Variants in GNB5 observed in about 807,000 individuals in gnomAD.
GNB5 encodes the protein guanine nucleotide-binding protein subunit beta-5.
In GNB5, 37 loss-of-function variants were observed where a neutral mutation model predicts 55.3. The ratio of observed to expected loss-of-function variants is 0.67; its 90% CI spans 0.51 to 0.88. GNB5 has a LOEUF of 0.88. Ranked by LOEUF, GNB5 falls within the 40% of genes least tolerant of loss-of-function variation. The pLI, the probability that GNB5 is intolerant of heterozygous loss-of-function variation, is 0.00. For synonymous variants in GNB5, 219 were observed against 198.5 expected (o/e 1.10, Z -0.87); for missense variants, 476 against 515.3 (o/e 0.92, Z 0.74).
chr15:52,182,441 G>A (rs1027767863), intron 2 of GNB5, among the ~76,000 whole-genome samples: 2 of 152,114 alleles, frequency 1.3e-5, no homozygotes, highest in African/African-American at 4.8e-5. Flanking sequence ...CCTCTTCTGG[G>A]GGTTCTTTGT....
chr15:52,157,569 A>G lies in GNB5; in HGVS notation c.239-3493T>C, dbSNP rs80285054. 2.8e-4 allele frequency among the ~76,000 whole-genome samples: 42 copies of G among 152,272 alleles called. 1 individual carries two copies. The East Asian group carries it at 8.1e-3, about 29-fold the overall frequency. ...ATATAGGCCTTTTATATAAGGCTCT[A>G]TCGGCCCAGAGTTGTGAGCATATTG... is the stretch of plus-strand genomic sequence containing the variant. On this transcript the variant is annotated intron_variant, in intron 3 of 12. Transcript: ENST00000261837.
rs57732678 is a variant in GNB5 at position 52,135,852 on chromosome 15, AACACACACACACACAC to A, written c.628-112_628-97del. On this transcript the variant is annotated intron_variant, in intron 7 of 12. Coordinates refer to ENST00000261837, the MANE Select transcript of GNB5 (RefSeq NM_016194.4). Reference sequence around the variant, plus strand: ...CTTAACGTTCCGCAGGGAAAAGCAGAACACACACACACACACACACACACACACACACACACACACA... The same window carrying A: ...CTTAACGTTCCGCAGGGAAAAGCAGAACACACACACACACACACACACACA... 93 of 552,492 alleles carry A rather than the reference AACACACACACACACAC, an allele frequency of 1.7e-4. 1 individual carries two copies. Among genetic ancestry groups the A allele is most frequent in the South Asian group, 1.4e-3 (74 of 51,240 alleles). 34.2% of individuals were successfully genotyped at this position (552,492 alleles called of 1,614,324 possible).
At chr15:52,165,824 A>T (rs937847846) in intron 3 of GNB5, among the ~76,000 whole-genome samples, 3 of 152,218 alleles carry the variant, frequency 2.0e-5, no homozygotes, top group African/African-American at 7.2e-5. Context: ...TGATGACAGG[A>T]TCAAATTCAC....
chr15:52,151,019 G>C (rs1303879069), intron 4 of GNB5, among the ~76,000 whole-genome samples: 1 of 152,236 alleles, frequency 6.6e-6, no homozygotes, highest in Admixed American at 6.5e-5. Context: ...CTTTGCATGA[G>C]CTGACGGAAC....
At position 52,128,955 on chromosome 15, in the gene GNB5, T is replaced by C. The variant is rs895385090; in HGVS notation, c.864-711A>G. Among the ~76,000 whole-genome samples, 272 of 63,742 alleles carry C rather than the reference T, an allele frequency of 4.3e-3. 2 individuals are homozygous for C. The African/African-American group carries it at 0.045, about 11-fold the overall frequency. The allele number at this position is 63,742 out of a possible 152,430, so 41.8% of individuals were successfully genotyped here. A position where few individuals can be genotyped will look rare whatever the true frequency, so the allele number is the denominator to read the frequency against. On this transcript the variant is annotated intron_variant, in intron 9 of 12. Coordinates refer to ENST00000261837, the MANE Select transcript of GNB5 (RefSeq NM_016194.4). ...TCCCCACACCTTCCATTGTTTCTCCTTTTTTTTTTTTTTTTTTTGAGACTG... is the reference window on the plus strand; with the variant it reads ...TCCCCACACCTTCCATTGTTTCTCCCTTTTTTTTTTTTTTTTTTGAGACTG...
intron 9 of GNB5, 178 bp from the exon 10 acceptor site, chr15:52,128,422 G>T (rs952296188): frequency 1.4e-4 from 87 of 622,298 alleles, no homozygotes; most frequent in Non-Finnish European, 2.9e-5. Context: ...TTTCTTCCCT[G>T]TTAGTGGGGG....
At chr15:52,173,930 T>C (rs916824483) in intron 3 of GNB5, among the ~76,000 whole-genome samples, 15 of 152,276 alleles carry the variant, frequency 9.9e-5, no homozygotes, top group African/African-American at 3.6e-4. Context: ...GGTATCCACA[T>C]CCTAATCCCC....
intron 9 of GNB5, among the ~76,000 whole-genome samples, chr15:52,129,519 AT>A (rs752865245): frequency 1.3e-5 from 2 of 152,130 alleles, no homozygotes; most frequent in Non-Finnish European, 2.9e-5. Flanking sequence ...GGCACATTAT[AT>A]TTTTGAAAGC....
In GNB5 at chr15:52,150,020, T is replaced by G. The variant is rs1252807011; in HGVS notation, c.376-95A>C. The G allele has an allele frequency of 6.5e-6, 6 of 927,194 alleles. No individual in the cohort carries two copies. In the African/African-American group the frequency reaches 9.7e-5, roughly 15 times the overall value. 57.4% of individuals were successfully genotyped at this position (927,194 alleles called of 1,614,324 possible). A position where few individuals can be genotyped will look rare whatever the true frequency, so the allele number is the denominator to read the frequency against. The stretch of plus-strand genomic sequence containing the variant: ...AAAAGCTGTGTCCAGCAGGGCAGTG[T>G]GAAGTAGAAAGCCAGAATGAGGATC... On this transcript the variant is annotated intron_variant, in intron 4 of 12. Transcript: ENST00000261837.
intron 3 of GNB5, among the ~76,000 whole-genome samples, chr15:52,158,508 C>G (rs771813772): frequency 6.6e-6 from 1 of 152,054 alleles, no homozygotes; most frequent in South Asian, 2.1e-4. Context: ...TTTTCTGTAC[C>G]TCTCCCTATC....
At chr15:52,145,913 A>G (rs1263893731) in intron 6 of GNB5, among the ~76,000 whole-genome samples, 2 of 143,472 alleles carry the variant, frequency 1.4e-5, no homozygotes, top group Non-Finnish European at 3.1e-5. Context: ...AAGAACTACT[A>G]TTTTATTTGG....
intron 1 of GNB5, among the ~76,000 whole-genome samples, chr15:52,185,894 T>G (rs1253999720): frequency 6.6e-6 from 1 of 151,986 alleles, no homozygotes; most frequent in Non-Finnish European, 1.5e-5. Context: ...TTTTCCTGCC[T>G]CAGCCTCCCA....
chr15:52,155,937 C>T (rs1323071905), intron 3 of GNB5, among the ~76,000 whole-genome samples: 1 of 152,118 alleles, frequency 6.6e-6, no homozygotes, highest in African/African-American at 2.4e-5. Context: ...AAACATGTTA[C>T]CCCTCAAACC....
intron 2 of GNB5, among the ~76,000 whole-genome samples, chr15:52,182,081 G>C (rs1392087928): frequency 1.3e-5 from 2 of 152,188 alleles, no homozygotes; most frequent in African/African-American, 4.8e-5. Context: ...GTGGCCTGAG[G>C]GATTTACTTG....
intron 7 of GNB5, chr15:52,138,797 T>C (rs2033786849): frequency 6.6e-6 from 1 of 152,258 alleles, no homozygotes; most frequent in African/African-American, 2.4e-5. Flanking sequence ...GAAATTTTCA[T>C]ACCATACTGT....
At chr15:52,137,032 C>T (rs1284376656) in intron 7 of GNB5, 1 of 454,174 alleles carries the variant, frequency 2.2e-6, no homozygotes, top group Non-Finnish European at 4.4e-6. Flanking sequence ...TTGCTGGGCT[C>T]ACCAATCCAA....
At chr15:52,184,722 G>T in intron 1 of GNB5, 28 bp from the exon 2 acceptor site, 1 of 1,589,174 alleles carries the variant, frequency 6.3e-7, no homozygotes, top group South Asian at 1.1e-5. Flanking sequence ...GAAGGGAGGG[G>T]GTGTGAGAAA....
intron 11 of GNB5, 110 bp downstream of exon 11, chr15:52,125,838 G>C (rs538966687): frequency 6.6e-5 from 42 of 640,418 alleles, no homozygotes; most frequent in Non-Finnish European, 7.4e-5. Flanking sequence ...TTCGCATACT[G>C]GTCCACAGGA....
chr15:52,162,455 A>T (rs1007175923), intron 3 of GNB5, among the ~76,000 whole-genome samples: 1 of 152,210 alleles, frequency 6.6e-6, no homozygotes, highest in African/African-American at 2.4e-5. Flanking sequence ...TCAGGCAATG[A>T]AAAAACAAGG....
Sources: allele counts gnomAD v4.1 joint callset (sites outside exome capture counted in the v4.1 genomes callset), GRCh38; gene constraint gnomAD v4.1.1; transcripts MANE v1.5; gene names NCBI Gene and HGNC (gene_info 2026-07-23, HGNC 2026-07-21).